The following PLD5 variants were observed in gnomAD, a reference collection of about 807,000 sequenced individuals.
PLD5 encodes inactive phospholipase D5.
In PLD5, 36 loss-of-function variants were observed where a neutral mutation model predicts 61.1. That is an observed-to-expected ratio of 0.59 (90% CI 0.45 to 0.78). PLD5 has a LOEUF of 0.78. Among genes scored for constraint, PLD5 ranks in the 30% least tolerant of loss-of-function variants. The probability of loss-of-function intolerance (pLI) is 0.00; values close to 1 mark genes in which losing one functional copy is unlikely to be tolerated. For synonymous variants in PLD5, 243 were observed against 242.8 expected, an observed-to-expected ratio of 1.00 and a Z score of -0.01; for missense variants, 515 against 644.4, an observed-to-expected ratio of 0.80 and a Z score of 2.17.
chr1:242,443,230 T>C lies in PLD5; in HGVS notation c.189+80858A>G, dbSNP rs916803534. 1.4e-4 allele frequency among the ~76,000 whole-genome samples: 21 copies of C among 152,320 alleles called. 1 individual carries two copies. The highest frequency in any genetic ancestry group is 4.8e-4 in the African/African-American group (20 of 41,580). The stretch of plus-strand genomic sequence containing the variant: ...TTTATATATTAAATATATTTTATAT[T>C]TTGTTTTTACTATTGAAAACAAAAT... On this transcript the variant is annotated intron_variant, in intron 1 of 9. Transcript: ENST00000536534.
chr1:242,125,642 G>C (rs1386393844), intron 5 of PLD5, among the ~76,000 whole-genome samples: 3 of 152,146 alleles, frequency 2.0e-5, no homozygotes, highest in Middle Eastern at 3.2e-3. Flanking sequence ...TCTATGACTT[G>C]AACACCCAGT....
chr1:242,184,479 G>T (rs936934350), intron 5 of PLD5, among the ~76,000 whole-genome samples: 8 of 152,086 alleles, frequency 5.3e-5, no homozygotes, highest in Non-Finnish European at 8.8e-5. Flanking sequence ...AGCAATTCTT[G>T]TGCCTCAGCC....
intron 2 of PLD5, among the ~76,000 whole-genome samples, chr1:242,319,550 C>T (rs201765190): frequency 3.9e-5 from 6 of 152,110 alleles, no homozygotes; most frequent in Admixed American, 1.3e-4. Flanking sequence ...AATAAGACAG[C>T]TACAGAGATG....
chr1:242,089,363 G>A lies in PLD5; in HGVS notation c.*491C>T, dbSNP rs374237330. ...AGGGTGTTGAAGGCTGGCATGAGATGTAAGCTATTCATGCTTAGCTGACTG... is the reference window on the plus strand; with the variant it reads ...AGGGTGTTGAAGGCTGGCATGAGATATAAGCTATTCATGCTTAGCTGACTG... On this transcript the variant is annotated 3_prime_UTR_variant, in exon 10 of 10. Coordinates refer to ENST00000536534, the MANE Select transcript of PLD5 (RefSeq NM_001372062.1). 126 of 404,516 alleles carry A rather than the reference G, an allele frequency of 3.1e-4. No individual in the cohort carries two copies. The East Asian group carries it at 3.9e-3, about 13-fold the overall frequency. The allele number at this position is 404,516 out of a possible 1,614,324, so 25.1% of individuals were successfully genotyped here.
chr1:242,160,222 T>C (rs1240940395), intron 5 of PLD5, among the ~76,000 whole-genome samples: 2 of 152,164 alleles, frequency 1.3e-5, no homozygotes, highest in Non-Finnish European at 2.9e-5. Flanking sequence ...GGACTCATTA[T>C]GTTGCCTAGG....
chr1:242,112,315 G>GTA (rs1558232868), intron 7 of PLD5, among the ~76,000 whole-genome samples: 15 of 109,170 alleles, frequency 1.4e-4, no homozygotes, highest in African/African-American at 6.3e-4. Flanking sequence ...GTGTGTGTGT[G>GTA]TGTGTGTGTA....
At chr1:242,529,778 T>TCTTCCTCCCTCCCTTCCTTC in the PLD5 span, among the ~76,000 whole-genome samples, 10 of 129,790 alleles carry the variant, frequency 7.7e-5, no homozygotes, top group African/African-American at 3.0e-4. Flanking sequence ...GGCACTGGGA[T>TCTTCCTCCCTCCCTTCCTTC]CTTCCTTCCT....
At chr1:242,090,369 T>C (rs533448978) in intron 9 of PLD5, among the ~76,000 whole-genome samples, 153 of 152,384 alleles carry the variant, frequency 1.0e-3, no homozygotes, top group Non-Finnish European at 1.8e-3. Context: ...CTGTTCTTTC[T>C]TGTAAATGTT....
chr1:242,470,886 C>A (rs916147680), intron 1 of PLD5, among the ~76,000 whole-genome samples: 1 of 152,224 alleles, frequency 6.6e-6, no homozygotes, highest in Non-Finnish European at 1.5e-5. Context: ...TTGTATCCTG[C>A]AGCGCTAATG....
intron 5 of PLD5, among the ~76,000 whole-genome samples, chr1:242,174,059 A>C (rs933876864): frequency 6.6e-6 from 1 of 152,216 alleles, no homozygotes; most frequent in Non-Finnish European, 1.5e-5. Flanking sequence ...GGATCTAATT[A>C]AACTAAAGAG....
chr1:242,135,688 T>TCCAGGGACAATAATTAAATACTG (rs1408575082), intron 5 of PLD5, among the ~76,000 whole-genome samples: 1 of 152,030 alleles, frequency 6.6e-6, no homozygotes, highest in Non-Finnish European at 1.5e-5. Context: ...CTGTCCCAAA[T>TCCAGGGACAATAATTAAATACTG]ACAATCCAGG....
At chr1:242,162,125 T>C (rs1277958713) in intron 5 of PLD5, among the ~76,000 whole-genome samples, 2 of 152,086 alleles carry the variant, frequency 1.3e-5, no homozygotes, top group East Asian at 3.8e-4. Context: ...CAAGTTGGGG[T>C]TGGAAGCTAA....
intron 5 of PLD5, chr1:242,210,551 TA>T (rs1669743442): frequency 6.6e-6 from 1 of 152,604 alleles, no homozygotes; most frequent in Non-Finnish European, 1.5e-5. Context: ...CTGATGACAT[TA>T]CACCACAAAA....
intron 1 of PLD5, among the ~76,000 whole-genome samples, chr1:242,444,731 T>TTCTATAATAAAATAATATA (rs1666447158): frequency 1.4e-5 from 1 of 71,120 alleles, no homozygotes; most frequent in Non-Finnish European, 3.5e-5. Flanking sequence ...AATATATATA[T>TTCTATAATAAAATAATATA]TATTTGTATA....
chr1:242,449,256 T>G (rs1666682089), intron 1 of PLD5: 1 of 1,450,034 alleles, frequency 6.9e-7, no homozygotes, highest in Admixed American at 2.0e-5. Context: ...AAGTGACTGT[T>G]CAGTCTCATG....
At chr1:242,287,244 C>G (rs1675078261) in intron 3 of PLD5, among the ~76,000 whole-genome samples, 1 of 152,134 alleles carries the variant, frequency 6.6e-6, no homozygotes, top group Admixed American at 6.6e-5. Context: ...TTCTCCATCC[C>G]CAGGCAACCC....
At chr1:242,399,052 C>T (rs940443212) in intron 1 of PLD5, among the ~76,000 whole-genome samples, 1 of 152,178 alleles carries the variant, frequency 6.6e-6, no homozygotes. Flanking sequence ...AGTGACCGCA[C>T]CCTAAGGCTC....
intron 5 of PLD5, among the ~76,000 whole-genome samples, chr1:242,153,115 G>A (rs1030724268): frequency 6.6e-6 from 1 of 152,152 alleles, no homozygotes; most frequent in African/African-American, 2.4e-5. Flanking sequence ...CAGTGATGAT[G>A]AGCATTTATT....
intron 3 of PLD5, among the ~76,000 whole-genome samples, chr1:242,287,622 G>T (rs1225908156): frequency 1.3e-5 from 2 of 152,052 alleles, no homozygotes; most frequent in Middle Eastern, 3.4e-3. Context: ...AACTTATTTT[G>T]CCCTTGACTT....
Sources: gnomAD v4.1 joint callset for allele counts (sites outside exome capture counted in the v4.1 genomes callset) on GRCh38, gnomAD v4.1.1 for gene constraint, MANE v1.5 for transcripts, NCBI Gene and HGNC (gene_info 2026-07-23, HGNC 2026-07-21) for gene names.